RBFOX3: variants seen among roughly 807,000 people sequenced by gnomAD.
RBFOX3 encodes the protein RNA binding fox-1 homolog 3.
RBFOX3 carries 17 observed loss-of-function variants against 48.7 expected under a neutral mutation model. The ratio of observed to expected loss-of-function variants is 0.35; its 90% CI spans 0.24 to 0.52. The LOEUF is 0.52. Ranked by LOEUF, RBFOX3 falls within the 20% of genes least tolerant of loss-of-function variation. The probability of loss-of-function intolerance (pLI) is 0.94; values close to 1 mark genes in which losing one functional copy is unlikely to be tolerated. For missense variants in RBFOX3, 382 were observed against 497.5 expected (o/e 0.77, Z 2.21); for synonymous variants, 212 against 209.5 (o/e 1.01, Z -0.10).
chr17:79,154,509 G>A (rs529549675), intron 4 of RBFOX3, among the ~76,000 whole-genome samples: 19 of 152,354 alleles, frequency 1.2e-4, no homozygotes, highest in African/African-American at 3.8e-4. Flanking sequence ...GGTGGATGGA[G>A]GGAGGAAGTC....
At chr17:79,135,598 C>T (rs1049673237) in intron 4 of RBFOX3, among the ~76,000 whole-genome samples, 4 of 152,176 alleles carry the variant, frequency 2.6e-5, no homozygotes, top group South Asian at 2.1e-4. Flanking sequence ...TGCTCCCCAG[C>T]GCAGTGGGGG....
chr17:79,107,437 C>T (rs553804355), intron 5 of RBFOX3, among the ~76,000 whole-genome samples: 5 of 152,340 alleles, frequency 3.3e-5, no homozygotes, highest in African/African-American at 9.6e-5. Context: ...CTCCCAAAGA[C>T]TTGGGTCTCA....
At chr17:79,569,991 TG>T (rs2092609283) in intron 1 of RBFOX3, among the ~76,000 whole-genome samples, 1 of 103,884 alleles carries the variant, frequency 9.6e-6, no homozygotes, top group Non-Finnish European at 2.4e-5. Context: ...GGTAGATGGA[TG>T]GATGGATAGA....
chr17:79,261,131 C>T (rs560215991), intron 3 of RBFOX3, among the ~76,000 whole-genome samples: 12 of 152,166 alleles, frequency 7.9e-5, no homozygotes, highest in Non-Finnish European at 1.3e-4. Context: ...TCCCACCCCA[C>T]GGCGTTCGCT....
rs2086259448 is a variant in RBFOX3 at position 79,522,610 on chromosome 17, C to T, written c.-319-40012G>A. Among the ~76,000 whole-genome samples the T allele has an allele frequency of 2.0e-5, 3 of 152,222 alleles. No homozygotes were observed. The South Asian group carries it at 6.2e-4, about 32-fold the overall frequency. On this transcript the variant is annotated intron_variant, in intron 1 of 14. Coordinates refer to ENST00000693108, the MANE Select transcript of RBFOX3 (RefSeq NM_001350451.2). The stretch of plus-strand genomic sequence containing the variant: ...CCCCACTGAGAGGATACGAGATTCA[C>T]CTCAGGAATGTCAGATCTCATCCAA...
rs574151214 is a variant in RBFOX3, at chr17:79,249,550, G to A, written c.-73-13745C>T. Among the ~76,000 whole-genome samples the A allele has an allele frequency of 2.0e-5, 3 of 151,918 alleles. No individual in the cohort carries two copies. The highest frequency in any genetic ancestry group is 2.1e-4 in the South Asian group (1 of 4,776). On this transcript the variant is annotated intron_variant, in intron 3 of 14. Transcript: ENST00000693108. The surrounding 1 kb of genome is among the most constrained non-coding windows in gnomAD (Gnocchi z 4.1). Reference sequence around the variant, plus strand: ...CACACCCCAAGCCCCTGCCTCTATCGGGGTCCCATGCTCCCGGAGACTGTT... The same window carrying A: ...CACACCCCAAGCCCCTGCCTCTATCAGGGTCCCATGCTCCCGGAGACTGTT...
chr17:79,298,024 T>A (rs1212278558), intron 3 of RBFOX3, among the ~76,000 whole-genome samples: 1 of 152,116 alleles, frequency 6.6e-6, no homozygotes, highest in African/African-American at 2.4e-5. Context: ...ACGAAACACA[T>A]TTGGGTTAAG....
intron 2 of RBFOX3, among the ~76,000 whole-genome samples, chr17:79,380,001 T>G (rs765086272): frequency 6.6e-6 from 1 of 152,100 alleles, no homozygotes; most frequent in Non-Finnish European, 1.5e-5. Flanking sequence ...GCTGTTCTGC[T>G]TCTCTTCCAA....
At chr17:79,289,631 G>T (rs1039503761) in intron 3 of RBFOX3, among the ~76,000 whole-genome samples, 3 of 152,352 alleles carry the variant, frequency 2.0e-5, no homozygotes, top group African/African-American at 7.2e-5. Context: ...TGGCTCAGGG[G>T]ACAGCCCTTT....
At position 79,392,008 on chromosome 17, in the gene RBFOX3, T is replaced by C. The variant is rs1450794259; in HGVS notation, c.-174-84184A>G. Among the ~76,000 whole-genome samples the C allele has an allele frequency of 6.6e-6, 1 of 152,166 alleles. No homozygotes were observed. Among genetic ancestry groups the C allele is most frequent in the Non-Finnish European group, 1.5e-5 (1 of 68,042 alleles). ...CAACGCTCCCGCCAGGGCCCCGCGA[T>C]GGTCAGGCTTTCTGCCGTCTTGGAA... On this transcript the variant is annotated intron_variant, in intron 2 of 14. Transcript: ENST00000693108. The surrounding 1 kb of genome is among the most constrained non-coding windows in gnomAD (Gnocchi z 5.0).
chr17:79,663,435 G>A, the RBFOX3 span, among the ~76,000 whole-genome samples: 1 of 152,112 alleles, frequency 6.6e-6, no homozygotes, highest in Non-Finnish European at 1.5e-5. Context: ...AGTCATCCTG[G>A]GCTGAGGCTG....
intron 1 of RBFOX3, among the ~76,000 whole-genome samples, chr17:79,502,335 G>A (rs1444126215): frequency 6.6e-6 from 1 of 152,120 alleles, no homozygotes; most frequent in African/African-American, 2.4e-5. Flanking sequence ...AAATAGGGTG[G>A]TGGGGTGCCA....
In RBFOX3 at chr17:79,406,516, G is replaced by A. The variant is rs57424545; in HGVS notation, c.-175+75938C>T. 3.1e-3 allele frequency among the ~76,000 whole-genome samples: 465 copies of A among 152,238 alleles called. 3 individuals are homozygous for A. The highest frequency in any genetic ancestry group is 0.01 in the African/African-American group (421 of 41,534). On this transcript the variant is annotated intron_variant, in intron 2 of 14. Transcript: ENST00000693108. ...CCATTGCCTGGCTGTTGTTTCTCCC[G>A]CCAGGAAATCCCTGACTCACTTCTA...
At chr17:79,456,204 T>C (rs1342600621) in intron 2 of RBFOX3, among the ~76,000 whole-genome samples, 1 of 152,220 alleles carries the variant, frequency 6.6e-6, no homozygotes, top group African/African-American at 2.4e-5. Flanking sequence ...AGTCTTTCTT[T>C]CTGCTACTCA....
At chr17:79,414,587 G>A (rs1017277907) in intron 2 of RBFOX3, among the ~76,000 whole-genome samples, 37 of 152,156 alleles carry the variant, frequency 2.4e-4, no homozygotes, top group African/African-American at 7.7e-4. Flanking sequence ...CTGACTGTCC[G>A]TCTGGCTGTC....
chr17:79,189,908 C>G (rs11652708), intron 4 of RBFOX3, among the ~76,000 whole-genome samples: 44,887 of 152,162 alleles, frequency 0.29, 6,837 homozygotes, highest in East Asian at 0.39. Flanking sequence ...TGGTTGGGCC[C>G]CCACTGCAGA....
At chr17:79,148,504 C>T (rs762487212) in intron 4 of RBFOX3, among the ~76,000 whole-genome samples, 41 of 152,320 alleles carry the variant, frequency 2.7e-4, no homozygotes, top group Non-Finnish European at 4.4e-4. Flanking sequence ...CCACACCCCC[C>T]CAGACCATGG....
chr17:79,290,495 T>C (rs900597290), intron 3 of RBFOX3, among the ~76,000 whole-genome samples: 1 of 151,914 alleles, frequency 6.6e-6, no homozygotes, highest in African/African-American at 2.4e-5. Flanking sequence ...GCTCTTCGCC[T>C]CATGCCTGGT....
rs915283808 is a variant in RBFOX3, at chr17:79,375,401, G to A, written c.-174-67577C>T. ...CACACACACACACACACACACACAC[G>A]AAGCTCTTCAGTGCTGGGGATGTTG... On this transcript the variant is annotated intron_variant, in intron 2 of 14. Coordinates refer to ENST00000693108, the MANE Select transcript of RBFOX3 (RefSeq NM_001350451.2). Among the ~76,000 whole-genome samples, 167 of 70,110 alleles carry A rather than the reference G, an allele frequency of 2.4e-3. 1 individual carries two copies. Among genetic ancestry groups the A allele is most frequent in the Admixed American group, 5.7e-3 (37 of 6,536 alleles). 46.0% of individuals were successfully genotyped at this position (70,110 alleles called of 152,430 possible). A position where few individuals can be genotyped will look rare whatever the true frequency, so the allele number is the denominator to read the frequency against.
Sources: allele counts gnomAD v4.1 joint callset (sites outside exome capture counted in the v4.1 genomes callset), GRCh38; gene constraint gnomAD v4.1.1; non-coding constraint Gnocchi (gnomAD v3.1); transcripts MANE v1.5; gene names NCBI Gene and HGNC (gene_info 2026-07-23, HGNC 2026-07-21).